The following IQCC variants were observed in gnomAD, a reference collection of about 807,000 sequenced individuals.
IQCC encodes the protein IQ motif containing C.
In IQCC, 23 loss-of-function variants were observed where a neutral mutation model predicts 27.0. The observed-to-expected ratio is 0.85, with a 90% confidence interval of 0.61 to 1.21. The LOEUF is 1.21. Ranked by LOEUF, IQCC falls within the 50% of genes most tolerant of loss-of-function variation. The pLI is 0.00. For missense variants in IQCC, 552 were observed against 562.3 expected (o/e 0.98, Z 0.19); for synonymous variants, 220 against 217.2 (o/e 1.01, Z -0.11).
chr1:32,205,746 C>T lies in IQCC; in HGVS notation c.42+23C>T, dbSNP rs372731665. The T allele has an allele frequency of 1.2e-6, 2 of 1,611,178 alleles. No individual in the cohort carries two copies. The highest frequency in any genetic ancestry group is 8.5e-7 in the Non-Finnish European group (1 of 1,179,414). On this transcript the variant is annotated intron_variant, in intron 1 of 4. Coordinates refer to ENST00000291358, the MANE Select transcript of IQCC (RefSeq NM_018134.3). The surrounding 1 kb of genome is among the most constrained non-coding windows in gnomAD (Gnocchi z 5.6). Reference sequence around the variant, plus strand: ...CAGGTGCGGGGGCGGGCGCGGGGTTCACAGGATTTTTCCTTTAGGGAAATC... The same window carrying T: ...CAGGTGCGGGGGCGGGCGCGGGGTTTACAGGATTTTTCCTTTAGGGAAATC...
chr1:32,206,243 G>A lies in IQCC; in HGVS notation c.132G>A (p.Leu44=). 6.2e-7 allele frequency: 1 copy of A among 1,614,172 alleles called. No homozygotes were observed. Among genetic ancestry groups the A allele is most frequent in the Non-Finnish European group, 8.5e-7 (1 of 1,180,030 alleles). ...TTGTACGAGAGGTCGAGGGCGACCT[G>A]GGCACGCTTCAGTGGACCGAGGGCC... ...EAIVREVEGD[L]GTLQWTEGRI... is the part of the protein sequence containing the mutation. The change falls in exon 2 of 5, where the codon CTG becomes CTA. Residue 44 remains leucine (L), a synonymous_variant. Coordinates refer to ENST00000291358, the MANE Select transcript of IQCC (RefSeq NM_018134.3).
Position 32,205,966 on chromosome 1 carries a change from G to A in IQCC, c.43-188G>A. ...AGGGAAACGGGAAGAGCCTTAAGGC[G>A]AGGAGGGGCATCCAGTCTGGCATCG... On this transcript the variant is annotated intron_variant, in intron 1 of 4. Transcript: ENST00000291358. The surrounding 1 kb of genome is among the most constrained non-coding windows in gnomAD (Gnocchi z 5.6). 1 of 1,554,934 alleles carries A rather than the reference G, an allele frequency of 6.4e-7. No individual in the cohort carries two copies. Among genetic ancestry groups the A allele is most frequent in the Non-Finnish European group, 8.7e-7 (1 of 1,148,720 alleles).
rs767327321 is a variant in IQCC, at chr1:32,206,989, C to G, written c.440-13C>G. On this transcript the variant is annotated splice_polypyrimidine_tract_variant and intron_variant, in intron 3 of 4. Coordinates refer to ENST00000291358, the MANE Select transcript of IQCC (RefSeq NM_018134.3). ...CTCAAGGTTTTCTCCTTCCTTTCTT[C>G]CCTCCTTCACAGAAGCCACAGATCA... The G allele has an allele frequency of 6.3e-7, 1 of 1,589,302 alleles. No individual in the cohort carries two copies. Among genetic ancestry groups the G allele is most frequent in the South Asian group, 1.1e-5 (1 of 89,316 alleles).
chr1:32,206,761 G>A lies in IQCC; in HGVS notation c.439G>A (p.Glu147Lys). The A allele has an allele frequency of 6.2e-7, 1 of 1,613,976 alleles. No individual in the cohort carries two copies. The highest frequency in any genetic ancestry group is 8.5e-7 in the Non-Finnish European group (1 of 1,179,966). ...TRDTTRMENPEATDQRLPHSQ... is the reference protein window; with the variant it reads ...TRDTTRMENPKATDQRLPHSQ... ...AGACACGACAAGGATGGAGAATCCA[G>A]GTACCTCTCTGCAAAGATCAGGGCA... is the stretch of plus-strand genomic sequence containing the variant. The change falls in exon 3 of 5, where the codon GAA becomes AAA. Residue 147 changes from glutamate to lysine, a missense_variant and splice_region_variant. By Grantham distance (56) the Glu-to-Lys change is moderately conservative. Coordinates refer to ENST00000291358, the MANE Select transcript of IQCC (RefSeq NM_018134.3).
rs192960213 is a variant in IQCC, at chr1:32,206,742, G to C, written c.420G>C (p.Thr140=). The change falls in exon 3 of 5, where the codon ACG becomes ACC. Residue 140 remains threonine, a synonymous_variant. Coordinates refer to ENST00000291358, the MANE Select transcript of IQCC (RefSeq NM_018134.3). ...RKPSQEKTRD[T]TRMENPEATD... is the part of the protein sequence containing the mutation. The stretch of plus-strand genomic sequence containing the variant: ...CCAGCCAAGAGAAGACCAGAGACAC[G>C]ACAAGGATGGAGAATCCAGGTACCT... The C allele has an allele frequency of 6.2e-7, 1 of 1,614,098 alleles. No individual in the cohort carries two copies. Among genetic ancestry groups the C allele is most frequent in the Admixed American group, 1.7e-5 (1 of 60,008 alleles).
At chr1:32,206,866 G>A (rs1051925464) in intron 3 of IQCC, 105 bp downstream of exon 3, 157 of 1,475,100 alleles carry the variant, frequency 1.1e-4, no homozygotes, top group South Asian at 9.1e-4. Flanking sequence ...TCCCTTTCCC[G>A]TCTTCCCTCT....
chr1:32,206,845 G>C, intron 3 of IQCC, 84 bp downstream of exon 3: 1 of 1,528,082 alleles, frequency 6.5e-7, no homozygotes, highest in South Asian at 1.2e-5. Context: ...GCTTGCGCTA[G>C]ATAAGCTGCA....
Position 32,205,760 on chromosome 1 carries a change from T to C in IQCC, c.42+37T>C. On this transcript the variant is annotated intron_variant, in intron 1 of 4. Coordinates refer to ENST00000291358, the MANE Select transcript of IQCC (RefSeq NM_018134.3). The surrounding 1 kb of genome is among the most constrained non-coding windows in gnomAD (Gnocchi z 5.6). ...GGCGCGGGGTTCACAGGATTTTTCC[T>C]TTAGGGAAATCATGGGGTCTCGTAC... 1 of 1,609,044 alleles carries C rather than the reference T, an allele frequency of 6.2e-7. No individual in the cohort carries two copies. Among genetic ancestry groups the C allele is most frequent in the Non-Finnish European group, 8.5e-7 (1 of 1,178,550 alleles).
chr1:32,207,670 C>T lies in IQCC; in HGVS notation c.989C>T (p.Pro330Leu). Residue 330 changes from proline (P) to leucine (L), a missense_variant, in exon 5 of 5, where the codon CCT becomes CTT. By Grantham distance (98) the Pro-to-Leu change is moderately conservative. Coordinates refer to ENST00000291358, the MANE Select transcript of IQCC (RefSeq NM_018134.3). ...GACCAGACCCCCAGAGGTTTAAAACCTAGGAACCATTGTCCCAGGAAGTCC... is the reference window on the plus strand; with the variant it reads ...GACCAGACCCCCAGAGGTTTAAAACTTAGGAACCATTGTCCCAGGAAGTCC... Reference protein sequence around the residue: ...LEDQTPRGLKPRNHCPRKSRT... With the variant: ...LEDQTPRGLKLRNHCPRKSRT... 6.2e-7 allele frequency: 1 copy of T among 1,614,082 alleles called. No homozygotes were observed. The highest frequency in any genetic ancestry group is 8.5e-7 in the Non-Finnish European group (1 of 1,180,010).
rs775296573 is a variant in IQCC at position 32,207,978 on chromosome 1, C to A, written c.1297C>A (p.Pro433Thr). Residue 433 changes from proline to threonine, a missense_variant, in exon 5 of 5, where the codon CCA becomes ACA. Pro to Thr is a conservative substitution (Grantham distance 38, BLOSUM62 -1). Coordinates refer to ENST00000291358, the MANE Select transcript of IQCC (RefSeq NM_018134.3). ...AGGACAGAAAAAGCAGAGGACTATACCATGGAGATCAAAGTCACCTGAGAT... is the reference window on the plus strand; with the variant it reads ...AGGACAGAAAAAGCAGAGGACTATAACATGGAGATCAAAGTCACCTGAGAT... ...HEGQKKQRTI[P>T]WRSKSPEILS... The A allele has an allele frequency of 3.7e-6, 6 of 1,614,162 alleles. No homozygotes were observed. Among genetic ancestry groups the A allele is most frequent in the Non-Finnish European group, 5.1e-6 (6 of 1,180,020 alleles).
chr1:32,205,865 C>T lies in IQCC; in HGVS notation c.42+142C>T. On this transcript the variant is annotated intron_variant, in intron 1 of 4. Transcript: ENST00000291358. The surrounding 1 kb of genome is among the most constrained non-coding windows in gnomAD (Gnocchi z 5.6). ...TCTGGAGATACCGGCTGTCCCCAAC[C>T]GCGCTGAGGAAAGCTGGGACCCACG... 2 of 1,552,972 alleles carry T rather than the reference C, an allele frequency of 1.3e-6. No homozygotes were observed. The highest frequency in any genetic ancestry group is 1.2e-5 in the South Asian group (1 of 84,304).
Position 32,208,067 on chromosome 1 carries a change from A to G in IQCC, c.1386A>G (p.Thr462=), listed in dbSNP as rs1299259593. Reference sequence around the variant, plus strand: ...AGTGGAGGGGCAGGCCATGGAAAACAGAACCACCTGGCTAGACCCTAGGAA... The same window carrying G: ...AGTGGAGGGGCAGGCCATGGAAAACGGAACCACCTGGCTAGACCCTAGGAA... ...EEQWRGRPWK[T]EPPG Residue 462 remains threonine (T), a synonymous_variant, in exon 5 of 5, where the codon ACA becomes ACG. Transcript: ENST00000291358. The G allele has an allele frequency of 6.2e-6, 10 of 1,611,126 alleles. No homozygotes were observed. Among genetic ancestry groups the G allele is most frequent in the Non-Finnish European group, 8.5e-6 (10 of 1,178,406 alleles).
intron 4 of IQCC, 54 bp from the exon 5 acceptor site, chr1:32,207,186 C>A: frequency 6.2e-7 from 1 of 1,602,816 alleles, no homozygotes; most frequent in Non-Finnish European, 8.5e-7. Flanking sequence ...GAGAGACGAC[C>A]TGCCATGCCC....
Position 32,207,332 on chromosome 1 carries a change from T to C in IQCC, c.651T>C (p.Cys217=). The change falls in exon 5 of 5, where the codon TGT becomes TGC. Residue 217 remains cysteine (C), a synonymous_variant. Coordinates refer to ENST00000291358, the MANE Select transcript of IQCC (RefSeq NM_018134.3). ...RVFLEHGEQA[C]ERDQSQPSAP... The stretch of plus-strand genomic sequence containing the variant: ...TCCTAGAACATGGGGAACAGGCCTG[T>C]GAGAGGGACCAGTCACAACCAAGCG... The C allele has an allele frequency of 1.2e-6, 2 of 1,613,682 alleles. No individual in the cohort carries two copies. Among genetic ancestry groups the C allele is most frequent in the South Asian group, 1.1e-5 (1 of 91,052 alleles).
Position 32,208,189 on chromosome 1 carries a change from G to A in IQCC, c.*107G>A, listed in dbSNP as rs1643439342. ...CTGACCAGCTCTGGCTTCTGCTCCTGCCCCTGGCCATTGGTGACTAGTGGG... is the reference window on the plus strand; with the variant it reads ...CTGACCAGCTCTGGCTTCTGCTCCTACCCCTGGCCATTGGTGACTAGTGGG... On this transcript the variant is annotated 3_prime_UTR_variant, in exon 5 of 5. Coordinates refer to ENST00000291358, the MANE Select transcript of IQCC (RefSeq NM_018134.3). 7 of 1,262,936 alleles carry A rather than the reference G, an allele frequency of 5.5e-6. No individual in the cohort carries two copies. Among genetic ancestry groups the A allele is most frequent in the Non-Finnish European group, 7.5e-6 (7 of 930,596 alleles). 78.2% of individuals were successfully genotyped at this position (1,262,936 alleles called of 1,614,324 possible).
At chr1:32,206,960 G>A in intron 3 of IQCC, 42 bp from the exon 4 acceptor site, 13 of 1,510,948 alleles carry the variant, frequency 8.6e-6, no homozygotes, top group Non-Finnish European at 1.2e-5. Flanking sequence ...CCAGGGTCTG[G>A]TCCCTCAAGG....
In IQCC at chr1:32,208,067, A is replaced by C; in HGVS notation, c.1386A>C (p.Thr462=). The change falls in exon 5 of 5, where the codon ACA becomes ACC. Residue 462 remains threonine (T), a synonymous_variant. Transcript: ENST00000291358. ...AGTGGAGGGGCAGGCCATGGAAAAC[A>C]GAACCACCTGGCTAGACCCTAGGAA... The part of the protein sequence containing the change: ...EEQWRGRPWK[T]EPPG 1 of 1,611,126 alleles carries C rather than the reference A, an allele frequency of 6.2e-7. No homozygotes were observed. Among genetic ancestry groups the C allele is most frequent in the Non-Finnish European group, 8.5e-7 (1 of 1,178,406 alleles).
chr1:32,208,086 C>T lies in IQCC; in HGVS notation c.*4C>T, dbSNP rs767771177. 1 of 1,594,868 alleles carries T rather than the reference C, an allele frequency of 6.3e-7. No homozygotes were observed. The highest frequency in any genetic ancestry group is 8.5e-7 in the Non-Finnish European group (1 of 1,170,680). On this transcript the variant is annotated 3_prime_UTR_variant, in exon 5 of 5. Transcript: ENST00000291358. Reference sequence around the variant, plus strand: ...GAAAACAGAACCACCTGGCTAGACCCTAGGAAGCCAGGAGAGGATCAGGTT... The same window carrying T: ...GAAAACAGAACCACCTGGCTAGACCTTAGGAAGCCAGGAGAGGATCAGGTT...
chr1:32,207,436 A>C lies in IQCC; in HGVS notation c.755A>C (p.Lys252Thr), dbSNP rs767295632. 6.2e-7 allele frequency: 1 copy of C among 1,613,806 alleles called. No individual in the cohort carries two copies. The highest frequency in any genetic ancestry group is 1.1e-5 in the South Asian group (1 of 91,080). ...GAGGATGACTCCTGTCACAGGGTCA[A>C]ATCACCCCACAGATCCCCAGGAAGT... ...EQEDDSCHRV[K>T]SPHRSPGSLA... The change falls in exon 5 of 5, where the codon AAA (lysine) becomes ACA (threonine). Residue 252 changes from lysine (K) to threonine (T), a missense_variant. Physicochemically the swap from Lys to Thr is moderately conservative, Grantham distance 78. Coordinates refer to ENST00000291358, the MANE Select transcript of IQCC (RefSeq NM_018134.3).
Sources: allele counts gnomAD v4.1 joint callset, GRCh38; gene constraint gnomAD v4.1.1; non-coding constraint Gnocchi (gnomAD v3.1); transcripts MANE v1.5; gene names NCBI Gene and HGNC (gene_info 2026-07-23, HGNC 2026-07-21).